The following TPH2 variants were observed in gnomAD, a reference collection of about 807,000 sequenced individuals.
The protein encoded by TPH2 is tryptophan 5-hydroxylase 2.
A neutral mutation model predicts 59.1 loss-of-function variants in TPH2; 27 were observed. The ratio of observed to expected loss-of-function variants is 0.46; its 90% CI spans 0.34 to 0.63. TPH2 has a LOEUF of 0.63. Ranked by LOEUF, TPH2 falls within the 30% of genes least tolerant of loss-of-function variation. The probability of loss-of-function intolerance (pLI) is 0.01; values close to 1 mark genes in which losing one functional copy is unlikely to be tolerated. For missense variants in TPH2, 523 were observed against 588.3 expected (o/e 0.89, Z 1.15); for synonymous variants, 220 against 210.5 (o/e 1.05, Z -0.39).
intron 7 of TPH2, among the ~76,000 whole-genome samples, chr12:71,984,058 C>T (rs559634489): frequency 6.6e-6 from 1 of 152,284 alleles, no homozygotes; most frequent in East Asian, 1.9e-4. Flanking sequence ...GCCGGCATCA[C>T]TTTTCAAATC....
chr12:71,948,136 T>C (rs905593735), intron 4 of TPH2, among the ~76,000 whole-genome samples: 19 of 152,098 alleles, frequency 1.2e-4, no homozygotes, highest in African/African-American at 4.3e-4. Context: ...ACAGATCTAT[T>C]TGTGAATGTG....
chr12:71,942,181 G>A (rs1469535761), intron 2 of TPH2, among the ~76,000 whole-genome samples: 1 of 152,150 alleles, frequency 6.6e-6, no homozygotes. Flanking sequence ...AAGTCTCATT[G>A]TTTATGTGTC....
intron 6 of TPH2, among the ~76,000 whole-genome samples, chr12:71,974,066 T>C (rs1234516100): frequency 2.6e-5 from 4 of 152,106 alleles, no homozygotes; most frequent in Non-Finnish European, 5.9e-5. Context: ...TTCTCTCTCT[T>C]CTTTCAAGTG....
chr12:71,983,197 T>C (rs547502775), intron 7 of TPH2, among the ~76,000 whole-genome samples: 1 of 152,322 alleles, frequency 6.6e-6, no homozygotes, highest in South Asian at 2.1e-4. Flanking sequence ...TGCTTTTCTA[T>C]GCATTAATGC....
chr12:71,950,360 G>A (rs1319533160), intron 5 of TPH2, among the ~76,000 whole-genome samples: 1 of 152,040 alleles, frequency 6.6e-6, no homozygotes, highest in African/African-American at 2.4e-5. Flanking sequence ...GATAAGGGTG[G>A]GGCCATTTTA....
At chr12:71,948,650 C>T (rs1196494976) in intron 4 of TPH2, among the ~76,000 whole-genome samples, 2 of 152,204 alleles carry the variant, frequency 1.3e-5, no homozygotes, top group Non-Finnish European at 2.9e-5. Flanking sequence ...GCCATGATCC[C>T]AGTGGCTTGT....
intron 5 of TPH2, chr12:71,961,712 T>C (rs779201909): frequency 5.3e-5 from 71 of 1,348,806 alleles, no homozygotes; most frequent in Non-Finnish European, 6.6e-5. Flanking sequence ...ATGATAGTTT[T>C]TGCAGATGAA....
chr12:71,949,799 T>A, intron 5 of TPH2, 144 bp downstream of exon 5: 1 of 690,788 alleles, frequency 1.4e-6, no homozygotes, highest in Non-Finnish European at 2.6e-6. Context: ...CTGTAGGCTT[T>A]AAATGCCAAC....
In TPH2 at chr12:71,938,868, T is replaced by G; in HGVS notation, c.-119T>G. On this transcript the variant is annotated 5_prime_UTR_variant, in exon 1 of 11. Transcript: ENST00000333850. Reference sequence around the variant, plus strand: ...TCGCATTGCTCTTCAGCACCAGGGTTCTGGACAGCGCCCCAAGCAGGCAGC... The same window carrying G: ...TCGCATTGCTCTTCAGCACCAGGGTGCTGGACAGCGCCCCAAGCAGGCAGC... 2.4e-6 allele frequency: 2 copies of G among 840,642 alleles called. No individual in the cohort carries two copies. Among genetic ancestry groups the G allele is most frequent in the Non-Finnish European group, 4.1e-6 (2 of 491,696 alleles). The allele number at this position is 840,642 out of a possible 1,614,324, so 52.1% of individuals were successfully genotyped here. A position where few individuals can be genotyped will look rare whatever the true frequency, so the allele number is the denominator to read the frequency against.
intron 6 of TPH2, among the ~76,000 whole-genome samples, chr12:71,976,386 C>A (rs573625923): frequency 1.3e-5 from 2 of 152,276 alleles, no homozygotes; most frequent in African/African-American, 2.4e-5. Context: ...GTCCTTATAT[C>A]ATTTCATTGA....
At chr12:72,026,751 C>T (rs1024360480) in intron 9 of TPH2, among the ~76,000 whole-genome samples, 1 of 152,144 alleles carries the variant, frequency 6.6e-6, no homozygotes, top group African/African-American at 2.4e-5. Flanking sequence ...AGGTTGTTCC[C>T]TCAACCCTGC....
chr12:72,026,230 A>G (rs978737929), intron 9 of TPH2, among the ~76,000 whole-genome samples: 12 of 151,554 alleles, frequency 7.9e-5, no homozygotes, highest in African/African-American at 2.2e-4. Context: ...CATCCACCCC[A>G]TAGTAGTTGC....
At chr12:71,980,934 A>C (rs1347350919) in intron 7 of TPH2, among the ~76,000 whole-genome samples, 7 of 152,238 alleles carry the variant, frequency 4.6e-5, no homozygotes, top group Non-Finnish European at 7.3e-5. Context: ...TAGCTTTAAA[A>C]AAAATTTTTT....
At chr12:71,972,861 C>G (rs1280000957) in intron 6 of TPH2, 146 bp downstream of exon 6, 1 of 835,008 alleles carries the variant, frequency 1.2e-6, no homozygotes, top group Non-Finnish European at 1.9e-6. Flanking sequence ...TTACCTGCGG[C>G]CACCTGTGGG....
chr12:72,000,505 G>C (rs569307028), intron 8 of TPH2, among the ~76,000 whole-genome samples: 1 of 152,262 alleles, frequency 6.6e-6, no homozygotes, highest in South Asian at 2.1e-4. Context: ...TGGCATTCCT[G>C]ACAGATCTCA....
intron 7 of TPH2, among the ~76,000 whole-genome samples, chr12:71,990,194 C>T (rs1592401022): frequency 6.6e-6 from 1 of 152,134 alleles, no homozygotes; most frequent in African/African-American, 2.4e-5. Flanking sequence ...TTGGAGAGAT[C>T]TGGTGAGATA....
intron 8 of TPH2, among the ~76,000 whole-genome samples, chr12:72,005,496 T>C (rs1323966348): frequency 6.6e-6 from 1 of 152,194 alleles, no homozygotes; most frequent in Non-Finnish European, 1.5e-5. Context: ...TGGCATATAG[T>C]CTTCTAGCTT....
chr12:71,994,303 A>G, intron 7 of TPH2, 136 bp from the exon 8 acceptor site: 1 of 888,294 alleles, frequency 1.1e-6, no homozygotes, highest in East Asian at 2.5e-5. Context: ...AATGATTAAG[A>G]AGTCCCAGCA....
chr12:71,979,942 A>G (rs1462793381), intron 7 of TPH2, among the ~76,000 whole-genome samples: 1 of 131,974 alleles, frequency 7.6e-6, no homozygotes, highest in Non-Finnish European at 1.6e-5. Flanking sequence ...TGGTGAAGAC[A>G]ATGGTTAGCA....
Sources: gnomAD v4.1 joint callset for allele counts (sites outside exome capture counted in the v4.1 genomes callset) on GRCh38, gnomAD v4.1.1 for gene constraint, MANE v1.5 for transcripts, NCBI Gene and HGNC (gene_info 2026-07-23, HGNC 2026-07-21) for gene names.